The following CD200R1 variants were observed in gnomAD, a reference collection of about 807,000 sequenced individuals.
CD200R1 encodes CD200 receptor 1, also known as cell surface glycoprotein CD200 receptor 1.
Under a neutral mutation model 38.1 loss-of-function variants are expected in CD200R1, and 30 were observed. The ratio of observed to expected loss-of-function variants is 0.79; its 90% CI spans 0.59 to 1.07. CD200R1 has a LOEUF of 1.07. Ranked by LOEUF, CD200R1 falls within the 50% of genes least tolerant of loss-of-function variation. The pLI is 0.00. For synonymous variants in CD200R1, 128 were observed against 152.1 expected (o/e 0.84, Z 1.16); for missense variants, 372 against 415.4 (o/e 0.90, Z 0.91).
At chr3:112,974,346 G>A (rs1576159719) in intron 1 of CD200R1, among the ~76,000 whole-genome samples, 1 of 152,098 alleles carries the variant, frequency 6.6e-6, no homozygotes, top group Non-Finnish European at 1.5e-5. Flanking sequence ...CTGAGTGGGA[G>A]GACTGCTTGA....
chr3:112,934,384 C>G (rs1285819143), intron 2 of CD200R1, among the ~76,000 whole-genome samples: 1 of 151,698 alleles, frequency 6.6e-6, no homozygotes, highest in East Asian at 1.9e-4. Flanking sequence ...TCCAGAAAAA[C>G]TATCCTTCAG....
chr3:112,974,675 C>T, intron 1 of CD200R1, 116 bp downstream of exon 1: 1 of 719,402 alleles, frequency 1.4e-6, no homozygotes. Context: ...TTTAGCAACC[C>T]CCTATATTTA....
intron 1 of CD200R1, among the ~76,000 whole-genome samples, chr3:112,949,490 A>G (rs16860279): frequency 0.069 from 10,561 of 152,274 alleles, 453 homozygotes; most frequent in African/African-American, 0.1. Flanking sequence ...CCATCTCTCT[A>G]TAACTAGCAG....
intron 1 of CD200R1, among the ~76,000 whole-genome samples, chr3:112,954,045 T>C (rs1418366686): frequency 6.6e-6 from 1 of 152,222 alleles, no homozygotes; most frequent in Non-Finnish European, 1.5e-5. Context: ...TTTTCTTCTT[T>C]CTTAATGTAG....
rs1052591462 is a variant in CD200R1 at position 112,921,976 on chromosome 3, A to C, written c.*1701T>G. 7.2e-5 allele frequency: 11 copies of C among 152,042 alleles called. No individual in the cohort carries two copies. The highest frequency in any genetic ancestry group is 6.6e-4 in the Admixed American group (10 of 15,238). The allele number at this position is 152,042 out of a possible 1,614,324, so 9.4% of individuals were successfully genotyped here. A position where few individuals can be genotyped will look rare whatever the true frequency, so the allele number is the denominator to read the frequency against. On this transcript the variant is annotated 3_prime_UTR_variant, in exon 8 of 8. Transcript: ENST00000308611. The stretch of plus-strand genomic sequence containing the variant: ...GATGAAGAATTAATAAATTTCAAGG[A>C]CAGTGTAATGATGTCTATTGTGAAC...
intron 2 of CD200R1, among the ~76,000 whole-genome samples, chr3:112,935,216 A>G (rs573863270): frequency 6.6e-6 from 1 of 152,318 alleles, no homozygotes; most frequent in East Asian, 1.9e-4. Flanking sequence ...CATTGGATCT[A>G]AACCACACCA....
Position 112,938,604 on chromosome 3 carries a change from A to G in CD200R1, c.137-7433T>C, listed in dbSNP as rs117531887. Among the ~76,000 whole-genome samples the G allele has an allele frequency of 2.0e-3, 301 of 152,200 alleles. 7 individuals carry two copies. In the East Asian group the frequency reaches 0.046, roughly 23 times the overall value. On this transcript the variant is annotated intron_variant, in intron 2 of 7. Transcript: ENST00000308611. ...CAATAATGAGTAATGAGATTGAATT[A>G]GTAATGAAAAGTCTCCCAACAAAGA...
intron 1 of CD200R1, among the ~76,000 whole-genome samples, chr3:112,954,128 C>A (rs970589263): frequency 1.3e-5 from 2 of 151,952 alleles, no homozygotes; most frequent in South Asian, 2.1e-4. Context: ...TGTTGTATTT[C>A]CATTTTCATT....
At chr3:112,955,164 T>C (rs1204514223) in intron 1 of CD200R1, among the ~76,000 whole-genome samples, 3 of 152,196 alleles carry the variant, frequency 2.0e-5, no homozygotes, top group Non-Finnish European at 4.4e-5. Flanking sequence ...ATATGATCTA[T>C]CCTAGAGAAT....
chr3:112,957,381 A>C (rs1941125041), intron 1 of CD200R1, among the ~76,000 whole-genome samples: 1 of 152,214 alleles, frequency 6.6e-6, no homozygotes, highest in Non-Finnish European at 1.5e-5. Flanking sequence ...AAAAGTGTTA[A>C]GGCAATTTTA....
Position 112,954,815 on chromosome 3 carries a change from ATAAG to A in CD200R1, c.68-6895_68-6892del, listed in dbSNP as rs1349570202. The stretch of plus-strand genomic sequence containing the variant: ...TATCTTTCATAATAAACTAGTAAAC[ATAAG>A]TAAGTATTTCGCTGAGTTCTGTGAG... On this transcript the variant is annotated intron_variant, in intron 1 of 7. Coordinates refer to ENST00000308611, the MANE Select transcript of CD200R1 (RefSeq NM_138806.4). Among the ~76,000 whole-genome samples the A allele has an allele frequency of 2.6e-5, 4 of 152,186 alleles. No individual in the cohort carries two copies. The East Asian group carries it at 5.8e-4, about 22-fold the overall frequency.
At chr3:112,944,564 G>C (rs1168231357) in intron 2 of CD200R1, among the ~76,000 whole-genome samples, 1 of 152,000 alleles carries the variant, frequency 6.6e-6, no homozygotes, top group East Asian at 1.9e-4. Context: ...CAGGAGCAAA[G>C]CAAGATGACT....
At chr3:112,943,633 A>G (rs1205411083) in intron 2 of CD200R1, among the ~76,000 whole-genome samples, 1 of 151,704 alleles carries the variant, frequency 6.6e-6, no homozygotes, top group African/African-American at 2.4e-5. Context: ...AGAACAGAAG[A>G]CAATAAAATT....
intron 2 of CD200R1, among the ~76,000 whole-genome samples, chr3:112,943,873 C>A (rs72952134): frequency 0.11 from 16,390 of 151,662 alleles, 1,094 homozygotes; most frequent in East Asian, 0.18. Flanking sequence ...TAAACCAATT[C>A]TTGAAAAGAT....
rs746877468 is a variant in CD200R1 at position 112,947,910 on chromosome 3, C to G, written c.82G>C (p.Ala28Pro). ...IFLVAEAEGA[A>P]QPNNSLMLQT... ...AGCATTAATGAGTTGTTTGGTTGAG[C>G]AGCACCCTCCGCTTCTGAATTTTGA... is the stretch of plus-strand genomic sequence containing the variant. Residue 28 changes from alanine to proline, a missense_variant, in exon 2 of 8, where the codon GCT (alanine) becomes CCT (proline). Physicochemically the swap from Ala to Pro is conservative, Grantham distance 27. Coordinates refer to ENST00000308611, the MANE Select transcript of CD200R1 (RefSeq NM_138806.4). 3.7e-5 allele frequency: 59 copies of G among 1,611,800 alleles called. No individual in the cohort carries two copies. Among genetic ancestry groups the G allele is most frequent in the Non-Finnish European group, 4.8e-5 (57 of 1,178,002 alleles).
At chr3:112,953,166 A>G (rs1410910928) in intron 1 of CD200R1, among the ~76,000 whole-genome samples, 1 of 152,178 alleles carries the variant, frequency 6.6e-6, no homozygotes, top group African/African-American at 2.4e-5. Context: ...TTTTATCATG[A>G]AAGGATGTTG....
chr3:112,967,077 C>T (rs770816519), intron 1 of CD200R1, among the ~76,000 whole-genome samples: 3 of 152,142 alleles, frequency 2.0e-5, no homozygotes, highest in South Asian at 4.1e-4. Context: ...CCACTACACC[C>T]ATGCATTCCC....
At chr3:112,958,966 T>C (rs537043862) in intron 1 of CD200R1, among the ~76,000 whole-genome samples, 10 of 152,098 alleles carry the variant, frequency 6.6e-5, no homozygotes, top group Non-Finnish European at 1.3e-4. Context: ...AGACCCATAC[T>C]TCATGGAGGT....
Position 112,922,281 on chromosome 3 carries a change from C to T in CD200R1, c.*1396G>A, listed in dbSNP as rs975608731. On this transcript the variant is annotated 3_prime_UTR_variant, in exon 8 of 8. Coordinates refer to ENST00000308611, the MANE Select transcript of CD200R1 (RefSeq NM_138806.4). ...TTTCTATCATGATGAAAAAACTTCT[C>T]ATGTTTTTTCTGCTATGGAGCAAAT... The T allele has an allele frequency of 6.6e-6, 1 of 151,940 alleles. No individual in the cohort carries two copies. Among genetic ancestry groups the T allele is most frequent in the Non-Finnish European group, 1.5e-5 (1 of 67,916 alleles). 9.4% of individuals were successfully genotyped at this position (151,940 alleles called of 1,614,324 possible). A position where few individuals can be genotyped will look rare whatever the true frequency, so the allele number is the denominator to read the frequency against.
Sources: gnomAD v4.1 joint callset for allele counts (sites outside exome capture counted in the v4.1 genomes callset) on GRCh38, gnomAD v4.1.1 for gene constraint, MANE v1.5 for transcripts, NCBI Gene and HGNC (gene_info 2026-07-23, HGNC 2026-07-21) for gene names.